Variants in ADGRA2 observed in about 807,000 individuals in gnomAD.
ADGRA2 encodes the protein adhesion G protein-coupled receptor A2.
In ADGRA2, 61 loss-of-function variants were observed where a neutral mutation model predicts 98.7. That is an observed-to-expected ratio of 0.62 (90% confidence interval 0.50 to 0.76). ADGRA2 has a LOEUF of 0.76. Ranked by LOEUF, ADGRA2 falls within the 30% of genes least tolerant of loss-of-function variation. The pLI, the probability that ADGRA2 is intolerant of heterozygous loss-of-function variation, is 0.00. For synonymous variants in ADGRA2, 858 were observed against 831.5 expected (o/e 1.03, Z -0.55); for missense variants, 1,712 against 1,860.0 (o/e 0.92, Z 1.46).
chr8:37,807,512 T>C (rs1237509958), intron 1 of ADGRA2, among the ~76,000 whole-genome samples: 3 of 152,212 alleles, frequency 2.0e-5, no homozygotes, highest in Non-Finnish European at 4.4e-5. Flanking sequence ...GCAGCATCTA[T>C]ATTTTAGAGG....
In ADGRA2 at chr8:37,835,412, G is replaced by A. The variant is rs776186994; in HGVS notation, c.1833+14G>A. On this transcript the variant is annotated intron_variant, in intron 12 of 18. Transcript: ENST00000412232. ...TTCCACATCAAGGTGGGCGCTGGGG[G>A]AGGGAGAGGGGGTGGGAGAAGGGAG... 4 of 1,599,156 alleles carry A rather than the reference G, an allele frequency of 2.5e-6. No homozygotes were observed. Among genetic ancestry groups the A allele is most frequent in the Non-Finnish European group, 3.4e-6 (4 of 1,171,740 alleles).
Position 37,833,170 on chromosome 8 carries a change from ACC to A in ADGRA2, c.1259_1260del (p.Thr420LysfsTer36). On this transcript the variant is annotated frameshift_variant, in exon 9 of 19. Transcript: ENST00000412232. LOFTEE classifies it high-confidence loss of function. ...EPGDYSHCLY[T>X]NDITRVLYTF... is the part of the protein sequence containing the mutation. ...AGGGGACTACTCCCACTGTCTCTAC[ACC>A]AACGACATCACCAGGGTGCTGTACA... The A allele has an allele frequency of 1.2e-6, 2 of 1,613,094 alleles. No homozygotes were observed. Among genetic ancestry groups the A allele is most frequent in the Non-Finnish European group, 1.7e-6 (2 of 1,179,794 alleles).
chr8:37,825,191 C>A (rs1696356341), intron 2 of ADGRA2, among the ~76,000 whole-genome samples: 1 of 152,160 alleles, frequency 6.6e-6, no homozygotes, highest in Non-Finnish European at 1.5e-5. Context: ...CCACAAGCTA[C>A]TCTAGCTTCA....
chr8:37,829,919 G>A lies in ADGRA2; in HGVS notation c.623G>A (p.Arg208His), dbSNP rs766009635. ...LRWLLPWAQN[R>H]SLQLSEHTLC... Reference sequence around the variant, plus strand: ...TGGCTGCTGCCCTGGGCCCAGAATCGCTCCCTGCAGCTGTCGGAACACACG... The same window carrying A: ...TGGCTGCTGCCCTGGGCCCAGAATCACTCCCTGCAGCTGTCGGAACACACG... The change falls in exon 6 of 19, where the codon CGC (arginine) becomes CAC (histidine). Residue 208 changes from arginine (R) to histidine (H), a missense_variant. Transcript: ENST00000412232. 5.0e-6 allele frequency: 8 copies of A among 1,612,096 alleles called. No individual in the cohort carries two copies. Among genetic ancestry groups the A allele is most frequent in the Admixed American group, 3.3e-5 (2 of 59,966 alleles).
At chr8:37,820,512 T>A (rs1805098114) in intron 2 of ADGRA2, among the ~76,000 whole-genome samples, 1 of 152,206 alleles carries the variant, frequency 6.6e-6, no homozygotes, top group African/African-American at 2.4e-5. Context: ...GGAATAAGAC[T>A]CCATGGGCTG....
Position 37,843,263 on chromosome 8 carries a change from A to C in ADGRA2, c.*908A>C, listed in dbSNP as rs1438823870. 6.6e-6 allele frequency: 1 copy of C among 152,294 alleles called. No homozygotes were observed. The highest frequency in any genetic ancestry group is 1.5e-5 in the Non-Finnish European group (1 of 68,076). 9.4% of individuals were successfully genotyped at this position (152,294 alleles called of 1,614,324 possible). On this transcript the variant is annotated 3_prime_UTR_variant, in exon 19 of 19. Coordinates refer to ENST00000412232, the MANE Select transcript of ADGRA2 (RefSeq NM_032777.10). ...TTTCAGTTACAAGACCCATCTCCCT[A>C]GTCTCAGCCTTACAACACCACGGGA...
At chr8:37,817,541 GA>G (rs1736253495) in intron 2 of ADGRA2, among the ~76,000 whole-genome samples, 1 of 151,740 alleles carries the variant, frequency 6.6e-6, no homozygotes, top group Admixed American at 6.6e-5. Flanking sequence ...CCTGTCTCTA[GA>G]AAAAATATTT....
At chr8:37,813,963 C>T (rs1804912647) in intron 1 of ADGRA2, among the ~76,000 whole-genome samples, 1 of 152,264 alleles carries the variant, frequency 6.6e-6, no homozygotes, top group Admixed American at 6.5e-5. Flanking sequence ...AGGGCCTGCA[C>T]CTCTGGCCTT....
rs1804374300 is a variant in ADGRA2, at chr8:37,797,676, G to A, written c.266+142G>A. ...ACAGGCCTGGGTTCAGGCCCCCAGA[G>A]GGGAAGATTGGAGGAGCAGGGGAGA... On this transcript the variant is annotated intron_variant, in intron 1 of 18. Coordinates refer to ENST00000412232, the MANE Select transcript of ADGRA2 (RefSeq NM_032777.10). This position sits in a 1 kb window ranked among gnomAD's most constrained non-coding sequence, Gnocchi z 5.3. 2.4e-6 allele frequency: 2 copies of A among 824,956 alleles called. No homozygotes were observed. The highest frequency in any genetic ancestry group is 5.8e-5 in the South Asian group (1 of 17,328). The allele number at this position is 824,956 out of a possible 1,614,324, so 51.1% of individuals were successfully genotyped here. A position where few individuals can be genotyped will look rare whatever the true frequency, so the allele number is the denominator to read the frequency against.
rs750759100 is a variant in ADGRA2 at position 37,814,917 on chromosome 8, C to A, written c.288C>A (p.Ile96=). The part of the protein sequence containing the change: ...TVTLLLSNNK[I]TGLRNGSFLG... ...TCAGGCTCTTGAGCAATAACAAGATCACGGGGCTCCGCAATGGCTCCTTCC... is the reference window on the plus strand; with the variant it reads ...TCAGGCTCTTGAGCAATAACAAGATAACGGGGCTCCGCAATGGCTCCTTCC... Residue 96 remains isoleucine (I), a synonymous_variant, in exon 2 of 19, where the codon ATC becomes ATA. Coordinates refer to ENST00000412232, the MANE Select transcript of ADGRA2 (RefSeq NM_032777.10). The surrounding 1 kb of genome is among the most constrained non-coding windows in gnomAD (Gnocchi z 4.3). 44 of 1,612,856 alleles carry A rather than the reference C, an allele frequency of 2.7e-5. No homozygotes were observed. In the African/African-American group the frequency reaches 5.2e-4, roughly 19 times the overall value.
intron 1 of ADGRA2, among the ~76,000 whole-genome samples, chr8:37,804,100 G>GACACACACACACAC (rs60565183): frequency 0.031 from 3,292 of 107,020 alleles, 202 homozygotes; most frequent in East Asian, 0.055. Context: ...CCCACGGTGA[G>GACACACACACACAC]ACACACACAC....
Position 37,840,754 on chromosome 8 carries a change from C to T in ADGRA2, c.2658-6C>T, listed in dbSNP as rs1805764065. The T allele has an allele frequency of 6.5e-7, 1 of 1,549,526 alleles. No individual in the cohort carries two copies. Among genetic ancestry groups the T allele is most frequent in the Non-Finnish European group, 8.9e-7 (1 of 1,122,228 alleles). On this transcript the variant is annotated splice_polypyrimidine_tract_variant and splice_region_variant and intron_variant, in intron 17 of 18. Transcript: ENST00000412232. ...TCTGGGACCCCCAATCCCTCATTCC[C>T]TCCAGGTTCTATTTGATCGCTGGAG... is the stretch of plus-strand genomic sequence containing the variant.
intron 1 of ADGRA2, among the ~76,000 whole-genome samples, chr8:37,805,097 T>C (rs144301581): frequency 2.0e-4 from 30 of 152,302 alleles, no homozygotes; most frequent in African/African-American, 7.2e-4. Context: ...CTCCTAGGTG[T>C]TGGGGAGAGA....
intron 1 of ADGRA2, among the ~76,000 whole-genome samples, chr8:37,804,151 A>ACACACG (rs1554522482): frequency 6.7e-5 from 10 of 148,602 alleles, no homozygotes; most frequent in South Asian, 4.2e-4. Flanking sequence ...ACACACACAC[A>ACACACG]CGGCTCTTAG....
chr8:37,798,598 C>G (rs930179432), intron 1 of ADGRA2, among the ~76,000 whole-genome samples: 1 of 152,246 alleles, frequency 6.6e-6, no homozygotes, highest in Non-Finnish European at 1.5e-5. Context: ...TTTCCTGTCC[C>G]AAATCCAGCC....
chr8:37,825,766 C>A (rs1805261236), intron 2 of ADGRA2, among the ~76,000 whole-genome samples: 1 of 152,232 alleles, frequency 6.6e-6, no homozygotes, highest in South Asian at 2.1e-4. Flanking sequence ...AGGGAGGACA[C>A]AGCTTCTTAC....
At chr8:37,818,263 C>A (rs1464515969) in intron 2 of ADGRA2, among the ~76,000 whole-genome samples, 1 of 152,222 alleles carries the variant, frequency 6.6e-6, no homozygotes, top group Non-Finnish European at 1.5e-5. Flanking sequence ...GCTCTTCCTC[C>A]TCCTCCTTAG....
At chr8:37,836,796 G>C (rs1203122958) in intron 13 of ADGRA2, among the ~76,000 whole-genome samples, 3 of 152,144 alleles carry the variant, frequency 2.0e-5, no homozygotes, top group Non-Finnish European at 4.4e-5. Context: ...TAGGGTCCTA[G>C]CGATGTGGCT....
chr8:37,811,053 G>A (rs903487100), intron 1 of ADGRA2, among the ~76,000 whole-genome samples: 23 of 142,758 alleles, frequency 1.6e-4, no homozygotes, highest in African/African-American at 6.0e-4. Context: ...GGCGGAGCTT[G>A]CAGTGAGCCG....
Sources: gnomAD v4.1 joint callset for allele counts (sites outside exome capture counted in the v4.1 genomes callset) on GRCh38, gnomAD v4.1.1 for gene constraint, Gnocchi (gnomAD v3.1) non-coding constraint, MANE v1.5 for transcripts, NCBI Gene and HGNC (gene_info 2026-07-23, HGNC 2026-07-21) for gene names.